Variants in FSTL5 observed in about 807,000 individuals in gnomAD.
FSTL5 encodes follistatin-related protein 5.
A neutral mutation model predicts 89.1 loss-of-function variants in FSTL5; 62 were observed. The observed-to-expected ratio is 0.70, with a 90% confidence interval of 0.57 to 0.86. FSTL5 has a LOEUF of 0.86. FSTL5 is among the 40% of genes least tolerant of loss of function. The pLI is 0.00. For synonymous variants in FSTL5, 383 were observed against 346.2 expected (o/e 1.11, Z -1.18); for missense variants, 1,057 against 1,001.6 (o/e 1.06, Z -0.75).
intron 12 of FSTL5, among the ~76,000 whole-genome samples, chr4:161,487,906 G>T (rs573339247): frequency 8.5e-5 from 13 of 152,098 alleles, no homozygotes; most frequent in African/African-American, 3.1e-4. Context: ...TACTGAATTA[G>T]AATATTCAGG....
At chr4:161,692,047 T>C (rs1352753775) in intron 6 of FSTL5, among the ~76,000 whole-genome samples, 1 of 152,002 alleles carries the variant, frequency 6.6e-6, no homozygotes, top group Non-Finnish European at 1.5e-5. Context: ...ATTAGAGAAA[T>C]AGTTATTTCC....
At chr4:161,602,721 T>A (rs1487109700) in intron 7 of FSTL5, among the ~76,000 whole-genome samples, 3 of 152,030 alleles carry the variant, frequency 2.0e-5, no homozygotes, top group Admixed American at 2.0e-4. Context: ...CATAAGACAA[T>A]AAAGACTGAC....
rs117428108 is a variant in FSTL5 at position 161,683,135 on chromosome 4, T to C, written c.728-26641A>G. Among the ~76,000 whole-genome samples, 738 of 152,304 alleles carry C rather than the reference T, an allele frequency of 4.8e-3. 21 individuals are homozygous for C. The highest frequency in any genetic ancestry group is 0.034 in the Admixed American group (527 of 15,284). The stretch of plus-strand genomic sequence containing the variant: ...CACAAATCAGTAATATTTATTATCT[T>C]TATCAAGTGTTATGTACTGTACATA... On this transcript the variant is annotated intron_variant, in intron 6 of 15. Coordinates refer to ENST00000306100, the MANE Select transcript of FSTL5 (RefSeq NM_020116.5).
At chr4:161,822,200 C>T (rs1473612197) in intron 4 of FSTL5, among the ~76,000 whole-genome samples, 2 of 151,908 alleles carry the variant, frequency 1.3e-5, no homozygotes, top group East Asian at 3.9e-4. Flanking sequence ...AGCATTTTTT[C>T]ATGTCACAGG....
intron 4 of FSTL5, among the ~76,000 whole-genome samples, chr4:161,858,887 G>T (rs936618089): frequency 2.0e-5 from 3 of 152,138 alleles, no homozygotes. Context: ...TATGTATCTT[G>T]CATTCTCTGT....
At chr4:161,941,396 A>C (rs1236039514) in intron 3 of FSTL5, among the ~76,000 whole-genome samples, 1 of 151,878 alleles carries the variant, frequency 6.6e-6, no homozygotes, top group Non-Finnish European at 1.5e-5. Context: ...TGCTATCTAC[A>C]AGTAGTTTGC....
chr4:161,921,288 T>A (rs1164001451), intron 3 of FSTL5, among the ~76,000 whole-genome samples: 1 of 152,176 alleles, frequency 6.6e-6, no homozygotes, highest in East Asian at 1.9e-4. Context: ...CTGATGCATA[T>A]CATGACTAAA....
At chr4:161,538,696 A>G (rs954720972) in intron 9 of FSTL5, among the ~76,000 whole-genome samples, 2 of 152,150 alleles carry the variant, frequency 1.3e-5, no homozygotes, top group African/African-American at 4.8e-5. Context: ...AATGTATATG[A>G]AAGATGTTTT....
intron 4 of FSTL5, among the ~76,000 whole-genome samples, chr4:161,911,817 T>A (rs988073951): frequency 6.6e-6 from 1 of 152,226 alleles, no homozygotes; most frequent in Non-Finnish European, 1.5e-5. Context: ...GCAATATTGC[T>A]AATTATTCAT....
intron 6 of FSTL5, among the ~76,000 whole-genome samples, chr4:161,743,008 G>A (rs1372241269): frequency 1.3e-5 from 2 of 151,838 alleles, no homozygotes; most frequent in Non-Finnish European, 2.9e-5. Flanking sequence ...ACCATTCCTT[G>A]GGTGGTCTTT....
At chr4:162,049,043 A>G (rs986314512) in intron 2 of FSTL5, among the ~76,000 whole-genome samples, 3 of 152,158 alleles carry the variant, frequency 2.0e-5, no homozygotes, top group Non-Finnish European at 4.4e-5. Context: ...AAAAGCTACA[A>G]ATTTATATCT....
intron 6 of FSTL5, among the ~76,000 whole-genome samples, chr4:161,757,250 T>A (rs929809372): frequency 3.3e-5 from 5 of 152,182 alleles, no homozygotes; most frequent in Admixed American, 6.6e-5. Flanking sequence ...TCATAAGGTA[T>A]CCCTGATTTC....
intron 4 of FSTL5, among the ~76,000 whole-genome samples, chr4:161,818,248 T>C (rs1464249013): frequency 2.0e-5 from 3 of 152,196 alleles, no homozygotes; most frequent in Non-Finnish European, 2.9e-5. Context: ...CCCAGGCCGC[T>C]GAGCAGCCCG....
At chr4:161,801,228 T>C (rs1018492139) in intron 4 of FSTL5, among the ~76,000 whole-genome samples, 1 of 151,654 alleles carries the variant, frequency 6.6e-6, no homozygotes, top group African/African-American at 2.4e-5. Context: ...AGGACAAGAA[T>C]AGTACAAAAC....
intron 6 of FSTL5, among the ~76,000 whole-genome samples, chr4:161,670,029 CTA>C (rs1737042089): frequency 6.6e-6 from 1 of 151,890 alleles, no homozygotes; most frequent in East Asian, 1.9e-4. Flanking sequence ...GGTGTAAATA[CTA>C]TGTTTGATTT....
intron 6 of FSTL5, among the ~76,000 whole-genome samples, chr4:161,736,600 A>C (rs895872541): frequency 1.3e-5 from 2 of 152,168 alleles, no homozygotes; most frequent in Non-Finnish European, 2.9e-5. Context: ...AATTATGATC[A>C]TGCAAACGAA....
chr4:161,400,781 T>C (rs1417711171), intron 15 of FSTL5, among the ~76,000 whole-genome samples: 2 of 152,142 alleles, frequency 1.3e-5, no homozygotes, highest in Admixed American at 1.3e-4. Context: ...GCTATTATTT[T>C]AGTAAATAGC....
In FSTL5 at chr4:161,577,378, A is replaced by G. The variant is rs1401710774; in HGVS notation, c.1015+10077T>C. On this transcript the variant is annotated intron_variant, in intron 8 of 15. Coordinates refer to ENST00000306100, the MANE Select transcript of FSTL5 (RefSeq NM_020116.5). ...ACTTAAAACTTGTAAGCCATTTGCC[A>G]TAAATAAACAGAACAAATATGAAAT... Among the ~76,000 whole-genome samples the G allele has an allele frequency of 3.3e-5, 5 of 151,870 alleles. No homozygotes were observed. The South Asian group carries it at 6.2e-4, about 19-fold the overall frequency.
intron 1 of FSTL5, among the ~76,000 whole-genome samples, chr4:162,162,764 A>G (rs1439689629): frequency 6.6e-6 from 1 of 152,240 alleles, no homozygotes; most frequent in African/African-American, 2.4e-5. Flanking sequence ...TTAAGCATGC[A>G]AGAGGTTAAA....
Sources: gnomAD v4.1 joint callset for allele counts (sites outside exome capture counted in the v4.1 genomes callset) on GRCh38, gnomAD v4.1.1 for gene constraint, MANE v1.5 for transcripts, NCBI Gene and HGNC (gene_info 2026-07-23, HGNC 2026-07-21) for gene names.